The following C12orf56 variants were observed in gnomAD, a reference collection of about 807,000 sequenced individuals.
The protein encoded by C12orf56 is chromosome 12 open reading frame 56, also known as uncharacterized protein C12orf56.
In C12orf56, 71 loss-of-function variants were observed where a neutral mutation model predicts 69.9. The observed-to-expected ratio is 1.02, with a 90% CI of 0.84 to 1.24. The LOEUF is 1.24. Among genes scored for constraint, C12orf56 ranks in the 50% most tolerant of loss-of-function variants. The probability of loss-of-function intolerance (pLI) is 0.00; values close to 1 mark genes in which losing one functional copy is unlikely to be tolerated. For missense variants in C12orf56, 732 were observed against 738.5 expected, an observed-to-expected ratio of 0.99 and a Z score of 0.10; for synonymous variants, 276 against 274.1, an observed-to-expected ratio of 1.01 and a Z score of -0.07.
intron 6 of C12orf56, among the ~76,000 whole-genome samples, chr12:64,299,857 C>T (rs1474532614): frequency 6.6e-6 from 1 of 152,064 alleles, no homozygotes; most frequent in African/African-American, 2.4e-5. Context: ...CATAGAACTA[C>T]ATTGTTCAAC....
intron 4 of C12orf56, among the ~76,000 whole-genome samples, chr12:64,313,273 AAAAAGAAAG>A (rs200573607): frequency 0.24 from 32,052 of 135,670 alleles, 3,378 homozygotes; most frequent in East Asian, 0.44. Context: ...AAAAAAAAAA[AAAAAGAAAG>A]AAAGAAAGAA....
intron 9 of C12orf56, 74 bp downstream of exon 9, chr12:64,277,606 G>T: frequency 1.0e-6 from 1 of 985,364 alleles, no homozygotes; most frequent in Non-Finnish European, 1.3e-6. Context: ...CGGTGTCATG[G>T]TCCACATTAA....
At chr12:64,380,791 A>T (rs1281540945) in intron 1 of C12orf56, among the ~76,000 whole-genome samples, 1 of 152,196 alleles carries the variant, frequency 6.6e-6, no homozygotes, top group Non-Finnish European at 1.5e-5. Context: ...GGGCATAAAG[A>T]ACGTGGGGAA....
intron 8 of C12orf56, among the ~76,000 whole-genome samples, chr12:64,278,823 C>T (rs545545122): frequency 5.3e-4 from 81 of 152,212 alleles, no homozygotes; most frequent in African/African-American, 1.8e-3. Flanking sequence ...TTTTTAGATT[C>T]CATATATAAG....
intron 2 of C12orf56, among the ~76,000 whole-genome samples, chr12:64,346,905 G>A (rs549031838): frequency 4.6e-5 from 7 of 151,976 alleles, no homozygotes; most frequent in Non-Finnish European, 7.4e-5. Flanking sequence ...ATTAAGACAC[G>A]GTCTGAAAAA....
At chr12:64,284,358 C>T (rs1211910269) in intron 8 of C12orf56, among the ~76,000 whole-genome samples, 4 of 152,120 alleles carry the variant, frequency 2.6e-5, no homozygotes, top group Admixed American at 6.6e-5. Flanking sequence ...GAAATTCTGG[C>T]GGAGATCCCC....
At chr12:64,325,787 T>C (rs542936476) in intron 3 of C12orf56, among the ~76,000 whole-genome samples, 68 of 152,226 alleles carry the variant, frequency 4.5e-4, no homozygotes, top group African/African-American at 1.5e-3. Flanking sequence ...ATAAAAACAA[T>C]GTATCTGTGC....
Position 64,366,024 on chromosome 12 carries a change from G to A in C12orf56, c.253-12968C>T, listed in dbSNP as rs552868256. Among the ~76,000 whole-genome samples the A allele has an allele frequency of 2.3e-3, 273 of 118,404 alleles. 2 individuals are homozygous for A. Among genetic ancestry groups the A allele is most frequent in the African/African-American group, 9.1e-3 (259 of 28,550 alleles). The allele number at this position is 118,404 out of a possible 152,430, so 77.7% of individuals were successfully genotyped here. On this transcript the variant is annotated intron_variant, in intron 1 of 12. Coordinates refer to ENST00000543942, the MANE Select transcript of C12orf56 (RefSeq NM_001170633.2). ...TATTATTATATATAATATATAGCTT[G>A]TATAATATATAGTTTATATATTATA...
intron 11 of C12orf56, 54 bp downstream of exon 11, chr12:64,274,847 G>T: frequency 7.4e-7 from 1 of 1,353,414 alleles, no homozygotes; most frequent in Non-Finnish European, 1.0e-6. Context: ...AAGCACAAGA[G>T]TATCTGTTTA....
chr12:64,285,418 T>C (rs760923509), intron 7 of C12orf56, among the ~76,000 whole-genome samples: 1 of 152,196 alleles, frequency 6.6e-6, no homozygotes, highest in Non-Finnish European at 1.5e-5. Flanking sequence ...TTTCCCACTT[T>C]GAGACAACAA....
At chr12:64,298,097 A>G (rs1286605467) in intron 6 of C12orf56, among the ~76,000 whole-genome samples, 1 of 152,152 alleles carries the variant, frequency 6.6e-6, no homozygotes, top group Non-Finnish European at 1.5e-5. Flanking sequence ...ATGAGATGGT[A>G]TCTCATTGTG....
chr12:64,299,158 G>A (rs2038410062), intron 6 of C12orf56, among the ~76,000 whole-genome samples: 1 of 152,168 alleles, frequency 6.6e-6, no homozygotes, highest in Non-Finnish European at 1.5e-5. Flanking sequence ...GTGAATGGGA[G>A]TTCACTCATG....
chr12:64,377,903 G>A (rs2039662916), intron 1 of C12orf56, among the ~76,000 whole-genome samples: 1 of 152,166 alleles, frequency 6.6e-6, no homozygotes, highest in South Asian at 2.1e-4. Flanking sequence ...CTGTAGCCTA[G>A]AGATTAGAGC....
chr12:64,276,762 G>C (rs10748005), intron 9 of C12orf56, among the ~76,000 whole-genome samples: 113,089 of 150,616 alleles, frequency 0.75, 42,805 homozygotes, highest in Non-Finnish European at 0.8. Context: ...GGGAGGCCGA[G>C]ACAGGCAAAT....
intron 6 of C12orf56, among the ~76,000 whole-genome samples, chr12:64,298,809 T>C (rs1453650161): frequency 6.6e-6 from 1 of 152,178 alleles, no homozygotes; most frequent in Non-Finnish European, 1.5e-5. Context: ...TGAAGTCAGG[T>C]AGTGTGATGC....
chr12:64,315,461 T>C (rs1274201357), intron 4 of C12orf56, among the ~76,000 whole-genome samples: 1 of 152,174 alleles, frequency 6.6e-6, no homozygotes, highest in Non-Finnish European at 1.5e-5. Flanking sequence ...ATTTCATCTT[T>C]ACAGAATTTA....
At chr12:64,284,226 C>G (rs2038169389) in intron 8 of C12orf56, among the ~76,000 whole-genome samples, 1 of 152,056 alleles carries the variant, frequency 6.6e-6, no homozygotes, top group Non-Finnish European at 1.5e-5. Context: ...GCAGCTCACC[C>G]TAGATATTAA....
intron 2 of C12orf56, among the ~76,000 whole-genome samples, chr12:64,339,184 C>T (rs2039039182): frequency 6.6e-6 from 1 of 152,090 alleles, no homozygotes; most frequent in African/African-American, 2.4e-5. Flanking sequence ...AAAATGTTAA[C>T]GTCAAATAAA....
intron 3 of C12orf56, among the ~76,000 whole-genome samples, chr12:64,329,494 T>C (rs1254205350): frequency 1.7e-5 from 1 of 57,554 alleles, no homozygotes; most frequent in African/African-American, 5.3e-5. Context: ...GTAGTAATGG[T>C]TTATTTATTT....
Sources: allele counts gnomAD v4.1 joint callset (sites outside exome capture counted in the v4.1 genomes callset), GRCh38; gene constraint gnomAD v4.1.1; transcripts MANE v1.5; gene names NCBI Gene and HGNC (gene_info 2026-07-23, HGNC 2026-07-21).